Variants in HERC3 observed in about 807,000 individuals in gnomAD.
HERC3 encodes probable E3 ubiquitin-protein ligase HERC3.
In HERC3, 58 loss-of-function variants were observed where a neutral mutation model predicts 129.9. The ratio of observed to expected loss-of-function variants is 0.45; its 90% CI spans 0.36 to 0.56. The LOEUF is 0.56. HERC3 is among the 20% of genes least tolerant of loss of function. HERC3 has a pLI of 0.00. For missense variants in HERC3, 835 were observed against 1,244.2 expected (o/e 0.67, Z 4.95); for synonymous variants, 430 against 451.0 (o/e 0.95, Z 0.59).
chr4:88,642,910 C>CG (rs1368967059), intron 3 of HERC3, among the ~76,000 whole-genome samples: 5 of 79,700 alleles, frequency 6.3e-5, no homozygotes, highest in South Asian at 4.1e-4. Context: ...AGAATGGGGG[C>CG]GGGGGGTGTG....
In HERC3 at chr4:88,612,189, T is replaced by C. The variant is rs187276993; in HGVS notation, c.226+6140T>C. Among the ~76,000 whole-genome samples, 712 of 152,308 alleles carry C rather than the reference T, an allele frequency of 4.7e-3. 4 individuals are homozygous for C. The highest frequency in any genetic ancestry group is 0.044 in the Middle Eastern group (13 of 294). ...CCTTTTTTTCCTTCTTAAGAATATG[T>C]AACAGTTAACTATTGCTGTTGCTGA... On this transcript the variant is annotated intron_variant, in intron 3 of 25. Transcript: ENST00000402738.
Position 88,674,882 on chromosome 4 carries a change from G to T in HERC3, c.1912-1336G>T, listed in dbSNP as rs553401819. ...ATCCCTGGAGGAACCTAGTTATAAA[G>T]GGTTAACAGGGTAGATTTTAATTAA... On this transcript the variant is annotated intron_variant, in intron 16 of 25. Transcript: ENST00000402738. 3.0e-3 allele frequency among the ~76,000 whole-genome samples: 462 copies of T among 152,172 alleles called. 2 individuals are homozygous for T. The highest frequency in any genetic ancestry group is 0.011 in the African/African-American group (439 of 41,532).
intron 3 of HERC3, among the ~76,000 whole-genome samples, chr4:88,620,491 T>C (rs1362599914): frequency 1.3e-5 from 2 of 152,178 alleles, no homozygotes; most frequent in African/African-American, 2.4e-5. Context: ...CATCTAATTT[T>C]TCAAGAAAAC....
At chr4:88,642,439 C>A (rs1286390961) in intron 3 of HERC3, among the ~76,000 whole-genome samples, 1 of 152,204 alleles carries the variant, frequency 6.6e-6, no homozygotes, top group Non-Finnish European at 1.5e-5. Context: ...ATAGCTATGT[C>A]AAACAGTGTT....
the HERC3 span, among the ~76,000 whole-genome samples, chr4:88,586,157 A>G: frequency 1.3e-5 from 2 of 152,240 alleles, no homozygotes; most frequent in Non-Finnish European, 2.9e-5. Context: ...TATAGCAGTA[A>G]AGAATTGAAA....
the HERC3 span, among the ~76,000 whole-genome samples, chr4:88,585,622 T>G: frequency 6.6e-6 from 1 of 151,928 alleles, no homozygotes; most frequent in Non-Finnish European, 1.5e-5. Context: ...AATTTGAGTT[T>G]GTATAGAACT....
chr4:88,552,281 TAAA>T, the HERC3 span, among the ~76,000 whole-genome samples: 3 of 143,306 alleles, frequency 2.1e-5, no homozygotes, highest in South Asian at 6.6e-4. Context: ...ACTTAAAGTA[TAAA>T]AAAAAAAAAA....
At chr4:88,676,717 A>G (rs1004085915) in intron 18 of HERC3, among the ~76,000 whole-genome samples, 1 of 152,268 alleles carries the variant, frequency 6.6e-6, no homozygotes, top group Non-Finnish European at 1.5e-5. Context: ...AAGCAGTGAT[A>G]GACAATATAT....
the HERC3 span, among the ~76,000 whole-genome samples, chr4:88,535,292 TG>T: frequency 9.1e-4 from 139 of 152,344 alleles, 2 homozygotes; most frequent in African/African-American, 3.1e-3. Context: ...CACTCTGCCC[TG>T]CTTTCTTCTT....
chr4:88,549,040 C>T, the HERC3 span, among the ~76,000 whole-genome samples: 2 of 152,206 alleles, frequency 1.3e-5, no homozygotes, highest in East Asian at 3.9e-4. Context: ...CTTTTGGTGT[C>T]ATATCTAAGA....
chr4:88,595,100 CAAAAAAAAAAA>C (rs758727600), intron 1 of HERC3, among the ~76,000 whole-genome samples: 1 of 60,084 alleles, frequency 1.7e-5, no homozygotes, highest in Admixed American at 2.2e-4. Flanking sequence ...GACTCTGTCT[CAAAAAAAAAAA>C]AAAAAAAAAA....
intron 3 of HERC3, among the ~76,000 whole-genome samples, chr4:88,618,871 T>G (rs777752508): frequency 4.6e-5 from 7 of 152,214 alleles, no homozygotes; most frequent in Non-Finnish European, 7.3e-5. Flanking sequence ...CTAACACTAT[T>G]TTTAAGTTTG....
chr4:88,696,282 C>T (rs1253407011), intron 23 of HERC3: 1 of 152,586 alleles, frequency 6.6e-6, no homozygotes, highest in East Asian at 1.9e-4. Context: ...TGATGATTTT[C>T]ACAGCTACAC....
chr4:88,600,513 A>G (rs1439259489), intron 2 of HERC3, among the ~76,000 whole-genome samples: 2 of 152,172 alleles, frequency 1.3e-5, no homozygotes, highest in African/African-American at 4.8e-5. Context: ...AGGGTTTAAC[A>G]TTTTCTTGAC....
chr4:88,683,123 T>C (rs914666805), intron 21 of HERC3, among the ~76,000 whole-genome samples: 3 of 152,204 alleles, frequency 2.0e-5, no homozygotes, highest in African/African-American at 7.2e-5. Flanking sequence ...AATGTCTTCT[T>C]TTGAGAAGTG....
At chr4:88,660,088 CT>C (rs1730327593) in intron 10 of HERC3, among the ~76,000 whole-genome samples, 1 of 152,142 alleles carries the variant, frequency 6.6e-6, no homozygotes, top group African/African-American at 2.4e-5. Context: ...TGCACATTTA[CT>C]TAAACTATTA....
the HERC3 span, among the ~76,000 whole-genome samples, chr4:88,542,518 G>A: frequency 6.6e-6 from 1 of 152,162 alleles, no homozygotes. Flanking sequence ...ACAAAGAGGA[G>A]CTGGTACCAT....
chr4:88,563,718 G>A, the HERC3 span, among the ~76,000 whole-genome samples: 9 of 151,328 alleles, frequency 5.9e-5, no homozygotes, highest in East Asian at 5.8e-4. Context: ...GGAGTGCAGC[G>A]GCATGATCTC....
the HERC3 span, among the ~76,000 whole-genome samples, chr4:88,570,353 A>T: frequency 6.6e-6 from 1 of 152,246 alleles, no homozygotes; most frequent in South Asian, 2.1e-4. Context: ...GAAAGAAAAA[A>T]TAATTTTCTC....
Sources: allele counts gnomAD v4.1 joint callset (sites outside exome capture counted in the v4.1 genomes callset), GRCh38; gene constraint gnomAD v4.1.1; transcripts MANE v1.5; gene names NCBI Gene and HGNC (gene_info 2026-07-23, HGNC 2026-07-21).